CRTAC1: variants seen among roughly 807,000 people sequenced by gnomAD.
CRTAC1 encodes the protein cartilage acidic protein 1.
CRTAC1 carries 37 observed loss-of-function variants against 67.8 expected under a neutral mutation model. That is an observed-to-expected ratio of 0.55 (90% CI 0.42 to 0.72). The LOEUF is 0.72. CRTAC1 is among the 30% of genes least tolerant of loss of function. CRTAC1 has a pLI of 0.00. For missense variants in CRTAC1, 780 were observed against 931.6 expected, an observed-to-expected ratio of 0.84 and a Z score of 2.12; for synonymous variants, 348 against 371.0, an observed-to-expected ratio of 0.94 and a Z score of 0.71.
Position 97,892,501 on chromosome 10 carries a change from C to T in CRTAC1, c.1486+2744G>A, listed in dbSNP as rs940939548. Among the ~76,000 whole-genome samples the T allele has an allele frequency of 6.4e-4, 98 of 152,318 alleles. 1 individual carries two copies. The highest frequency in any genetic ancestry group is 6.3e-4 in the African/African-American group (26 of 41,574). On this transcript the variant is annotated intron_variant, in intron 11 of 14. Coordinates refer to ENST00000370597, the MANE Select transcript of CRTAC1 (RefSeq NM_018058.7). ...TTAAGCCACAGTCAGGAACTCAGAC[C>T]GTGGCGTCAGGGAGGTGGGATCCAA...
intron 3 of CRTAC1, among the ~76,000 whole-genome samples, chr10:97,926,218 G>C (rs1457050177): frequency 6.6e-6 from 1 of 152,156 alleles, no homozygotes; most frequent in East Asian, 1.9e-4. Flanking sequence ...GGATGCACAG[G>C]GGGGAAACTG....
intron 11 of CRTAC1, among the ~76,000 whole-genome samples, chr10:97,892,068 C>A (rs1028842486): frequency 6.6e-6 from 1 of 152,200 alleles, no homozygotes; most frequent in Non-Finnish European, 1.5e-5. Flanking sequence ...TTGCACCAGG[C>A]GGAGCTCCCA....
chr10:97,937,077 A>G (rs1300022440), intron 2 of CRTAC1, among the ~76,000 whole-genome samples: 1 of 152,240 alleles, frequency 6.6e-6, no homozygotes, highest in Non-Finnish European at 1.5e-5. Flanking sequence ...GTCTAAAGTT[A>G]TTAGACAGAC....
At chr10:97,936,044 G>A (rs905617069) in intron 3 of CRTAC1, 126 bp downstream of exon 3, 58 of 845,276 alleles carry the variant, frequency 6.9e-5, no homozygotes, top group Non-Finnish European at 3.5e-5. Flanking sequence ...GTGGCAGCAG[G>A]GGGCAGTGCC....
intron 6 of CRTAC1, among the ~76,000 whole-genome samples, chr10:97,907,383 C>T (rs2050627575): frequency 6.6e-6 from 1 of 150,974 alleles, no homozygotes; most frequent in African/African-American, 2.4e-5. Flanking sequence ...CAGGCAGAGG[C>T]CATGGCAAGT....
intron 2 of CRTAC1, among the ~76,000 whole-genome samples, chr10:97,966,703 C>T (rs2051621654): frequency 6.6e-6 from 1 of 152,222 alleles, no homozygotes; most frequent in Admixed American, 6.5e-5. Flanking sequence ...CTCTTTAGCT[C>T]CTCTTCGCCA....
chr10:97,962,970 C>G (rs2051552678), intron 2 of CRTAC1, among the ~76,000 whole-genome samples: 1 of 152,054 alleles, frequency 6.6e-6, no homozygotes, highest in Non-Finnish European at 1.5e-5. Flanking sequence ...GAAACCCAGT[C>G]CTAGCTGGGA....
chr10:98,011,809 G>A (rs1256547108), intron 1 of CRTAC1, among the ~76,000 whole-genome samples: 2 of 152,144 alleles, frequency 1.3e-5, no homozygotes, highest in Non-Finnish European at 2.9e-5. Flanking sequence ...AGGGAGATGG[G>A]GAGGGAAAGG....
At chr10:97,985,255 C>G (rs1039154334) in intron 2 of CRTAC1, among the ~76,000 whole-genome samples, 2 of 152,198 alleles carry the variant, frequency 1.3e-5, no homozygotes, top group African/African-American at 4.8e-5. Context: ...TCCTACTACT[C>G]TATAATATTA....
intron 2 of CRTAC1, among the ~76,000 whole-genome samples, chr10:97,961,882 C>G (rs950656800): frequency 2.6e-5 from 4 of 152,186 alleles, no homozygotes; most frequent in African/African-American, 9.6e-5. Flanking sequence ...AGGATAAGCA[C>G]CTACTTCAGG....
intron 2 of CRTAC1, among the ~76,000 whole-genome samples, chr10:97,965,224 A>C (rs948510358): frequency 2.0e-5 from 3 of 152,268 alleles, no homozygotes; most frequent in African/African-American, 7.2e-5. Context: ...TTAAAATAAT[A>C]GCAGATAATA....
chr10:97,890,879 C>G (rs934430623), intron 11 of CRTAC1, among the ~76,000 whole-genome samples: 3 of 152,182 alleles, frequency 2.0e-5, no homozygotes, highest in African/African-American at 7.2e-5. Flanking sequence ...GTTGGTCAGG[C>G]TGGTCTCAAA....
chr10:98,014,743 G>A (rs925381304), intron 1 of CRTAC1, among the ~76,000 whole-genome samples: 1 of 152,120 alleles, frequency 6.6e-6, no homozygotes, highest in African/African-American at 2.4e-5. Flanking sequence ...AAACCACAAT[G>A]AGATACCATT....
chr10:97,933,753 G>A (rs1310754356), intron 3 of CRTAC1, among the ~76,000 whole-genome samples: 1 of 152,232 alleles, frequency 6.6e-6, no homozygotes, highest in Non-Finnish European at 1.5e-5. Flanking sequence ...ATGGATGAAT[G>A]CATTAATAAA....
rs1332528033 is a variant in CRTAC1 at position 97,895,161 on chromosome 10, G to A, written c.1486+84C>T. On this transcript the variant is annotated intron_variant, in intron 11 of 14. Coordinates refer to ENST00000370597, the MANE Select transcript of CRTAC1 (RefSeq NM_018058.7). The surrounding 1 kb of genome is among the most constrained non-coding windows in gnomAD (Gnocchi z 4.2). ...GGCTGTCACAGTAGAGCGGAGCGGT[G>A]CCCAAGGATGCTCGGGCTGTGAGTC... The A allele has an allele frequency of 2.2e-6, 3 of 1,392,784 alleles. No homozygotes were observed. The highest frequency in any genetic ancestry group is 2.8e-5 in the African/African-American group (2 of 70,684). The allele number at this position is 1,392,784 out of a possible 1,614,324, so 86.3% of individuals were successfully genotyped here. A position where few individuals can be genotyped will look rare whatever the true frequency, so the allele number is the denominator to read the frequency against.
intron 4 of CRTAC1, among the ~76,000 whole-genome samples, chr10:97,919,384 C>T (rs1057149410): frequency 1.3e-5 from 2 of 152,022 alleles, no homozygotes; most frequent in Non-Finnish European, 2.9e-5. Flanking sequence ...AAGAACCTTC[C>T]AAGTAGAGAT....
At chr10:97,935,341 T>C (rs7069311) in intron 3 of CRTAC1, among the ~76,000 whole-genome samples, 4,578 of 152,302 alleles carry the variant, frequency 0.03, 224 homozygotes, top group African/African-American at 0.099. Context: ...TACTTAAGTA[T>C]TAACTGTTAT....
rs771351655 is a variant in CRTAC1, at chr10:98,002,761, C to CTGTTTTT, written c.224+8376_224+8377insAAAAACA. Among the ~76,000 whole-genome samples, 50 of 37,296 alleles carry CTGTTTTT rather than the reference C, an allele frequency of 1.3e-3. 2 individuals are homozygous for CTGTTTTT. The highest frequency in any genetic ancestry group is 3.0e-3 in the East Asian group (4 of 1,330). 24.5% of individuals were successfully genotyped at this position (37,296 alleles called of 152,430 possible). ...TTTTAGGAATTCTTTACAAAACTCA[C>CTGTTTTT]TTTTTTTTTTTTTTTTTTTTTTTTT... On this transcript the variant is annotated intron_variant, in intron 2 of 14. Coordinates refer to ENST00000370597, the MANE Select transcript of CRTAC1 (RefSeq NM_018058.7).
rs754209139 is a variant in CRTAC1, at chr10:97,895,985, C to A, written c.1217G>T (p.Gly406Val). 1 of 1,613,746 alleles carries A rather than the reference C, an allele frequency of 6.2e-7. No individual in the cohort carries two copies. The highest frequency in any genetic ancestry group is 8.5e-7 in the Non-Finnish European group (1 of 1,179,638). ...DALEPEGRGT[G>V]GVVTDFDGDG... is the part of the protein sequence containing the mutation. The stretch of plus-strand genomic sequence containing the variant: ...TCCGTCGAAGTCGGTCACCACACCC[C>A]CTACAAACAATGCAGATTTCACCTC... The change falls in exon 10 of 15, where the codon GGG (glycine) becomes GTG (valine). Residue 406 changes from glycine (G) to valine (V), a missense_variant and splice_region_variant. Coordinates refer to ENST00000370597, the MANE Select transcript of CRTAC1 (RefSeq NM_018058.7). This position sits in a 1 kb window ranked among gnomAD's most constrained non-coding sequence, Gnocchi z 4.2.
Sources: gnomAD v4.1 joint callset for allele counts (sites outside exome capture counted in the v4.1 genomes callset) on GRCh38, gnomAD v4.1.1 for gene constraint, Gnocchi (gnomAD v3.1) non-coding constraint, MANE v1.5 for transcripts, NCBI Gene and HGNC (gene_info 2026-07-23, HGNC 2026-07-21) for gene names.